WWOX: variants seen among roughly 807,000 people sequenced by gnomAD.
WWOX encodes the protein WW domain containing oxidoreductase, also known as WW domain-containing oxidoreductase.
Under a neutral mutation model 46.2 loss-of-function variants are expected in WWOX, and 69 were observed. The ratio of observed to expected loss-of-function variants is 1.49; its 90% CI spans 1.23 to 1.82. The LOEUF (loss-of-function observed/expected upper bound fraction) is 1.82. Ranked by LOEUF, WWOX falls within the 40% of genes most tolerant of loss-of-function variation. The pLI is 0.00. For synonymous variants in WWOX, 359 were observed against 202.6 expected (o/e 1.77, Z -6.56); for missense variants, 919 against 542.6 (o/e 1.69, Z -6.89).
chr16:78,777,240 C>T (rs962191195), intron 8 of WWOX, among the ~76,000 whole-genome samples: 2 of 152,006 alleles, frequency 1.3e-5, no homozygotes, highest in Non-Finnish European at 2.9e-5. Context: ...ACTTAGAAGA[C>T]AGTGACATTT....
intron 5 of WWOX, among the ~76,000 whole-genome samples, chr16:78,230,012 T>G (rs1951613678): frequency 1.3e-5 from 2 of 152,104 alleles, no homozygotes; most frequent in African/African-American, 4.8e-5. Context: ...CCCTAGTAGC[T>G]GGGACTACAG....
intron 8 of WWOX, among the ~76,000 whole-genome samples, chr16:78,452,730 G>C (rs750573810): frequency 2.1e-4 from 32 of 151,698 alleles, no homozygotes; most frequent in Non-Finnish European, 4.3e-4. Flanking sequence ...GCCTGCCTTG[G>C]CCTCCCGAAG....
At chr16:78,663,164 T>C (rs1045298506) in intron 8 of WWOX, among the ~76,000 whole-genome samples, 1 of 152,186 alleles carries the variant, frequency 6.6e-6, no homozygotes, top group Admixed American at 6.5e-5. Context: ...CCCTATTTTA[T>C]ACCCCCGATC....
intron 8 of WWOX, among the ~76,000 whole-genome samples, chr16:78,592,652 C>G (rs986681809): frequency 1.4e-4 from 22 of 152,172 alleles, no homozygotes; most frequent in African/African-American, 5.3e-4. Flanking sequence ...AGGCCTGGAT[C>G]AGAGCCTAGG....
At position 78,868,016 on chromosome 16, in the gene WWOX, G is replaced by C. The variant is rs2044043811; in HGVS notation, c.1057-343592G>C. ...GTTAAACACACACATATGTGGCTCA[G>C]CAGTTCCCTTCCTAAGAACCTACTG... On this transcript the variant is annotated intron_variant, in intron 8 of 8. Coordinates refer to ENST00000566780, the MANE Select transcript of WWOX (RefSeq NM_016373.4). Among the ~76,000 whole-genome samples, 3 of 152,196 alleles carry C rather than the reference G, an allele frequency of 2.0e-5. No individual in the cohort carries two copies. The South Asian group carries it at 6.2e-4, about 31-fold the overall frequency.
chr16:78,836,351 C>G (rs1184731653), intron 8 of WWOX, among the ~76,000 whole-genome samples: 2 of 152,008 alleles, frequency 1.3e-5, no homozygotes, highest in Non-Finnish European at 1.5e-5. Flanking sequence ...GCCAGTGGCC[C>G]CAGCAGAGAT....
At chr16:78,451,902 C>T (rs56825787) in intron 8 of WWOX, among the ~76,000 whole-genome samples, 11,182 of 152,184 alleles carry the variant, frequency 0.073, 502 homozygotes, top group East Asian at 0.2. Context: ...ATTCCTTCCA[C>T]GAAGGAATGA....
At chr16:79,033,141 G>A (rs1056621295) in intron 8 of WWOX, among the ~76,000 whole-genome samples, 1 of 146,840 alleles carries the variant, frequency 6.8e-6, no homozygotes, top group Non-Finnish European at 1.5e-5. Context: ...CGGTGTAGAT[G>A]TAATATATAT....
chr16:78,914,254 C>G lies in WWOX; in HGVS notation c.1057-297354C>G, dbSNP rs540286902. Among the ~76,000 whole-genome samples the G allele has an allele frequency of 3.3e-5, 5 of 152,156 alleles. No individual in the cohort carries two copies. The South Asian group carries it at 8.3e-4, about 25-fold the overall frequency. On this transcript the variant is annotated intron_variant, in intron 8 of 8. Coordinates refer to ENST00000566780, the MANE Select transcript of WWOX (RefSeq NM_016373.4). ...CATCCGTCTATTCATTCATTCATTG[C>G]TAATTTATTAGTATTGCCTTCCCAT... is the stretch of plus-strand genomic sequence containing the variant.
intron 8 of WWOX, among the ~76,000 whole-genome samples, chr16:79,188,305 G>C (rs948993014): frequency 1.2e-4 from 19 of 152,204 alleles, no homozygotes; most frequent in Non-Finnish European, 2.5e-4. Flanking sequence ...AGCTGGCCTC[G>C]TGTTTGTGGT....
At chr16:78,501,400 A>C (rs777521659) in intron 8 of WWOX, among the ~76,000 whole-genome samples, 26 of 151,968 alleles carry the variant, frequency 1.7e-4, no homozygotes, top group Non-Finnish European at 2.9e-4. Flanking sequence ...GGTATCTGTG[A>C]ATGTGTAAGA....
chr16:78,577,433 C>T (rs1259159157), intron 8 of WWOX, among the ~76,000 whole-genome samples: 24 of 152,130 alleles, frequency 1.6e-4, no homozygotes, highest in South Asian at 4.1e-4. Flanking sequence ...GCCCTGACCA[C>T]GAGCAAATCA....
intron 8 of WWOX, among the ~76,000 whole-genome samples, chr16:79,032,140 G>C (rs1427464180): frequency 7.0e-6 from 1 of 143,812 alleles, no homozygotes; most frequent in African/African-American, 2.5e-5. Context: ...ATATTTGTTA[G>C]GGTAAAACAA....
At chr16:78,620,803 A>C (rs1021536137) in intron 8 of WWOX, among the ~76,000 whole-genome samples, 1 of 152,168 alleles carries the variant, frequency 6.6e-6, no homozygotes, top group Non-Finnish European at 1.5e-5. Context: ...TATCACTACT[A>C]TAAAGACATA....
chr16:79,061,020 C>T (rs766712382), intron 8 of WWOX, among the ~76,000 whole-genome samples: 5 of 152,140 alleles, frequency 3.3e-5, no homozygotes, highest in Non-Finnish European at 7.3e-5. Context: ...GCAGAACATT[C>T]AGACTGGAAT....
At chr16:78,533,988 A>C (rs550267200) in intron 8 of WWOX, among the ~76,000 whole-genome samples, 2 of 152,188 alleles carry the variant, frequency 1.3e-5, no homozygotes, top group South Asian at 2.1e-4. Context: ...ATATTCTAGT[A>C]TTTGCCAAAA....
chr16:79,039,255 C>A (rs182348368), intron 8 of WWOX, among the ~76,000 whole-genome samples: 3 of 152,134 alleles, frequency 2.0e-5, no homozygotes, highest in African/African-American at 7.2e-5. Context: ...GCAGGAATGA[C>A]TGTCTTGGTG....
intron 8 of WWOX, among the ~76,000 whole-genome samples, chr16:78,785,955 G>A (rs1210157614): frequency 6.6e-6 from 1 of 152,098 alleles, no homozygotes; most frequent in Non-Finnish European, 1.5e-5. Context: ...CGCCCAGGCT[G>A]GAGTGCAGTG....
At chr16:78,932,870 G>T (rs2045654482) in intron 8 of WWOX, among the ~76,000 whole-genome samples, 2 of 152,196 alleles carry the variant, frequency 1.3e-5, no homozygotes, top group South Asian at 4.1e-4. Flanking sequence ...CAGCACCCTT[G>T]TCTGGAAGAC....
Sources: allele counts gnomAD v4.1 joint callset (sites outside exome capture counted in the v4.1 genomes callset), GRCh38; gene constraint gnomAD v4.1.1; transcripts MANE v1.5; gene names NCBI Gene and HGNC (gene_info 2026-07-23, HGNC 2026-07-21).